The following CSMD1 variants were observed in gnomAD, a reference collection of about 807,000 sequenced individuals.
CSMD1 encodes the protein CUB and sushi domain-containing protein 1.
A neutral mutation model predicts 417.5 loss-of-function variants in CSMD1; 213 were observed. The ratio of observed to expected loss-of-function variants is 0.51; its 90% CI spans 0.46 to 0.57. The LOEUF (loss-of-function observed/expected upper bound fraction) is 0.57. Among genes scored for constraint, CSMD1 ranks in the 20% least tolerant of loss-of-function variants. CSMD1 has a pLI of 0.00. For synonymous variants in CSMD1, 2,862 were observed against 1,736.8 expected (o/e 1.65, Z -16.11); for missense variants, 6,923 against 4,529.7 (o/e 1.53, Z -15.17).
intron 3 of CSMD1, among the ~76,000 whole-genome samples, chr8:4,289,583 G>T (rs942170260): frequency 6.6e-6 from 1 of 152,132 alleles, no homozygotes; most frequent in Non-Finnish European, 1.5e-5. Flanking sequence ...ATTTTGTCCA[G>T]GTCTGGCAGT....
chr8:4,934,188 G>A lies in CSMD1; in HGVS notation c.85+60144C>T, dbSNP rs142204742. On this transcript the variant is annotated intron_variant, in intron 1 of 69. Transcript: ENST00000635120. The stretch of plus-strand genomic sequence containing the variant: ...AGGCTAACAAGAAACAGAAGAGGCT[G>A]CCTGAGCTCAGAAGCAAAGCTCCTC... Among the ~76,000 whole-genome samples the A allele has an allele frequency of 4.5e-3, 682 of 152,216 alleles. 5 individuals carry two copies. The highest frequency in any genetic ancestry group is 0.015 in the African/African-American group (634 of 41,538).
chr8:4,938,898 G>A (rs1057175324), intron 1 of CSMD1, among the ~76,000 whole-genome samples: 21 of 152,300 alleles, frequency 1.4e-4, no homozygotes, highest in African/African-American at 4.6e-4. Flanking sequence ...GATTACTGAC[G>A]TTGAACCTCT....
intron 5 of CSMD1, among the ~76,000 whole-genome samples, chr8:3,966,191 G>A (rs368012968): frequency 4.6e-5 from 7 of 152,038 alleles, no homozygotes; most frequent in Non-Finnish European, 1.0e-4. Context: ...AAGGTACCAC[G>A]GTATAAAATA....
chr8:3,519,476 T>A (rs7839909), intron 10 of CSMD1, among the ~76,000 whole-genome samples: 2 of 152,118 alleles, frequency 1.3e-5, no homozygotes, highest in East Asian at 1.9e-4. Context: ...AGGCTCACAA[T>A]TGAGACTACA....
At chr8:4,358,701 G>T (rs1395121401) in intron 3 of CSMD1, among the ~76,000 whole-genome samples, 1 of 152,116 alleles carries the variant, frequency 6.6e-6, no homozygotes, top group African/African-American at 2.4e-5. Context: ...TAGAAACCAG[G>T]TATTTGTAGC....
chr8:4,843,175 A>G (rs1279707398), intron 1 of CSMD1, among the ~76,000 whole-genome samples: 1 of 152,166 alleles, frequency 6.6e-6, no homozygotes, highest in Non-Finnish European at 1.5e-5. Context: ...CTGGGCAGGA[A>G]CATTCCAAAC....
intron 5 of CSMD1, among the ~76,000 whole-genome samples, chr8:3,951,138 G>T (rs1270304054): frequency 1.3e-5 from 2 of 152,318 alleles, no homozygotes; most frequent in South Asian, 2.1e-4. Flanking sequence ...ATGTCTCAAA[G>T]TTGTTTGTTT....
At chr8:3,341,355 A>T (rs1807630097) in intron 23 of CSMD1, among the ~76,000 whole-genome samples, 1 of 152,230 alleles carries the variant, frequency 6.6e-6, no homozygotes, top group African/African-American at 2.4e-5. Context: ...CAAGCCCCTG[A>T]AATTCCAGTA....
intron 3 of CSMD1, among the ~76,000 whole-genome samples, chr8:4,222,433 G>A (rs961031178): frequency 6.7e-6 from 1 of 149,944 alleles, no homozygotes; most frequent in African/African-American, 2.5e-5. Context: ...TGTAAAGTGA[G>A]GTCTTTGTGC....
At chr8:3,478,283 T>C (rs1817541469) in intron 11 of CSMD1, among the ~76,000 whole-genome samples, 2 of 152,194 alleles carry the variant, frequency 1.3e-5, no homozygotes, top group African/African-American at 4.8e-5. Context: ...AAAGATGTAA[T>C]CCAAACCTCT....
chr8:3,702,087 A>G (rs762785663), intron 7 of CSMD1: 3 of 152,108 alleles, frequency 2.0e-5, no homozygotes, highest in Non-Finnish European at 4.4e-5. Context: ...CATTTATTTT[A>G]TAATGTTGTG....
intron 37 of CSMD1, among the ~76,000 whole-genome samples, chr8:3,173,131 T>C (rs575083307): frequency 1.3e-5 from 2 of 152,338 alleles, no homozygotes; most frequent in African/African-American, 4.8e-5. Context: ...CACCATGTGA[T>C]TACGTAATTT....
chr8:4,763,439 G>C (rs1054571189), intron 1 of CSMD1, among the ~76,000 whole-genome samples: 2 of 152,154 alleles, frequency 1.3e-5, no homozygotes, highest in Non-Finnish European at 2.9e-5. Context: ...TTACAAAGAA[G>C]GGTGCATTAT....
intron 30 of CSMD1, among the ~76,000 whole-genome samples, 174 bp downstream of exon 30, chr8:3,214,323 C>T (rs998728911): frequency 6.6e-6 from 1 of 152,180 alleles, no homozygotes; most frequent in Non-Finnish European, 1.5e-5. Flanking sequence ...GGCTAACACA[C>T]TAGCTGCATT....
intron 2 of CSMD1, among the ~76,000 whole-genome samples, chr8:4,533,605 C>G (rs1227733259): frequency 1.3e-5 from 2 of 151,804 alleles, no homozygotes; most frequent in African/African-American, 2.4e-5. Flanking sequence ...GGATGTTAAA[C>G]AAGAAAATAA....
intron 8 of CSMD1, among the ~76,000 whole-genome samples, chr8:3,593,919 C>T (rs139728351): frequency 1.3e-3 from 192 of 152,212 alleles, no homozygotes; most frequent in African/African-American, 4.4e-3. Flanking sequence ...TTTCCCAATA[C>T]GTAGAATCAG....
intron 5 of CSMD1, among the ~76,000 whole-genome samples, chr8:3,810,776 A>G (rs1309648797): frequency 6.6e-6 from 1 of 152,166 alleles, no homozygotes; most frequent in Non-Finnish European, 1.5e-5. Context: ...ATGGTGTTGC[A>G]TCACTGGGTC....
chr8:3,008,811 G>C (rs749920803), intron 52 of CSMD1, among the ~76,000 whole-genome samples: 3 of 152,194 alleles, frequency 2.0e-5, no homozygotes, highest in Admixed American at 6.5e-5. Flanking sequence ...CTGATTGTCA[G>C]TGGTGACTTT....
intron 3 of CSMD1, among the ~76,000 whole-genome samples, chr8:4,392,341 A>C (rs77235535): frequency 0.03 from 4,521 of 152,262 alleles, 209 homozygotes; most frequent in African/African-American, 0.1. Flanking sequence ...ATATGTAGGG[A>C]AGGTCACATG....
Sources: gnomAD v4.1 joint callset for allele counts (sites outside exome capture counted in the v4.1 genomes callset) on GRCh38, gnomAD v4.1.1 for gene constraint, MANE v1.5 for transcripts, NCBI Gene and HGNC (gene_info 2026-07-23, HGNC 2026-07-21) for gene names.